CALD1: variants seen among roughly 807,000 people sequenced by gnomAD.
CALD1 encodes caldesmon 1.
CALD1 carries 33 observed loss-of-function variants against 99.9 expected under a neutral mutation model. The ratio of observed to expected loss-of-function variants is 0.33; its 90% CI spans 0.25 to 0.44. The LOEUF is 0.44. CALD1 is among the 20% of genes least tolerant of loss of function. The pLI is 1.00. For synonymous variants in CALD1, 310 were observed against 325.0 expected, an observed-to-expected ratio of 0.95 and a Z score of 0.50; for missense variants, 861 against 962.1, an observed-to-expected ratio of 0.89 and a Z score of 1.39.
At chr7:134,886,620 C>T (rs1186152762) in intron 3 of CALD1, among the ~76,000 whole-genome samples, 1 of 152,298 alleles carries the variant, frequency 6.6e-6, no homozygotes, top group East Asian at 1.9e-4. Context: ...GGAAAATAGG[C>T]ATTGGCGTCT....
Position 134,783,418 on chromosome 7 carries a change from C to T in CALD1, c.-130+3669C>T, listed in dbSNP as rs1440285995. 1.3e-5 allele frequency among the ~76,000 whole-genome samples: 2 copies of T among 152,196 alleles called. No individual in the cohort carries two copies. Among genetic ancestry groups the T allele is most frequent in the African/African-American group, 4.8e-5 (2 of 41,454 alleles). On this transcript the variant is annotated intron_variant, in intron 1 of 14. Transcript: ENST00000361675. This position sits in a 1 kb window ranked among gnomAD's most constrained non-coding sequence, Gnocchi z 4.3. Reference sequence around the variant, plus strand: ...GAGGCCCAGAGTACAGCAGAACACTCTAGCACAGATAGGTTCTAGCTAGGG... The same window carrying T: ...GAGGCCCAGAGTACAGCAGAACACTTTAGCACAGATAGGTTCTAGCTAGGG...
intron 2 of CALD1, among the ~76,000 whole-genome samples, chr7:134,854,742 C>T (rs1233081631): frequency 2.0e-5 from 3 of 152,148 alleles, no homozygotes; most frequent in Non-Finnish European, 4.4e-5. Flanking sequence ...TGGGATAAAT[C>T]TGTGACTTTA....
In CALD1 at chr7:134,773,133, T is replaced by C. The variant is rs1796889415; in HGVS notation, c.-130+28770T>C. Among the ~76,000 whole-genome samples, 6 of 152,322 alleles carry C rather than the reference T, an allele frequency of 3.9e-5. No individual in the cohort carries two copies. The South Asian group carries it at 1.0e-3, about 26-fold the overall frequency. On this transcript the variant is annotated intron_variant, in intron 1 of 13. Coordinates refer to the CALD1 transcript ENST00000417172. Reference sequence around the variant, plus strand: ...GTTTTCAAAAGTCTTCTTTTATTATTTCCTTTGATAATTTTCTTCTTACTA... The same window carrying C: ...GTTTTCAAAAGTCTTCTTTTATTATCTCCTTTGATAATTTTCTTCTTACTA...
intron 3 of CALD1, among the ~76,000 whole-genome samples, chr7:134,891,891 T>C (rs1369659339): frequency 6.6e-6 from 1 of 152,034 alleles, no homozygotes; most frequent in Non-Finnish European, 1.5e-5. Context: ...TTCGCTGGCT[T>C]TTCTCGTTTC....
intron 1 of CALD1, among the ~76,000 whole-genome samples, chr7:134,752,534 G>A (rs7811910): frequency 0.041 from 6,297 of 152,126 alleles, 429 homozygotes; most frequent in African/African-American, 0.14. Context: ...TTATGAGTGG[G>A]GAATTTCATA....
chr7:134,782,959 G>A (rs769899978), intron 1 of CALD1, among the ~76,000 whole-genome samples: 1 of 152,182 alleles, frequency 6.6e-6, no homozygotes, highest in Non-Finnish European at 1.5e-5. Flanking sequence ...CAAATATAAG[G>A]AAGTGGAATA....
intron 6 of CALD1, among the ~76,000 whole-genome samples, chr7:134,939,247 C>T (rs112753048): frequency 6.1e-4 from 93 of 152,304 alleles, no homozygotes; most frequent in Non-Finnish European, 1.2e-3. Context: ...TGAGCTTGCT[C>T]CTTTTTTCTG....
At chr7:134,775,478 G>A (rs182424527), upstream of CALD1, among the ~76,000 whole-genome samples, 1 of 152,320 alleles carries the variant, frequency 6.6e-6, no homozygotes, top group Non-Finnish European at 1.5e-5. Context: ...TTGGGAGGCC[G>A]AGGCGGGTGG....
rs77378159 is a variant in CALD1, at chr7:134,801,454, T to G, written c.-130+21705T>G. Among the ~76,000 whole-genome samples, 122 of 152,324 alleles carry G rather than the reference T, an allele frequency of 8.0e-4. 1 individual carries two copies. The highest frequency in any genetic ancestry group is 1.1e-3 in the Non-Finnish European group (73 of 68,018). ...AAATTCCTATTTGCTGAACTTATTCTTTAGTAGTTCCTTTAGAGAGTGACT... is the reference window on the plus strand; with the variant it reads ...AAATTCCTATTTGCTGAACTTATTCGTTAGTAGTTCCTTTAGAGAGTGACT... On this transcript the variant is annotated intron_variant, in intron 1 of 14. Coordinates refer to ENST00000361675, the MANE Select transcript of CALD1 (RefSeq NM_033138.4).
At chr7:134,746,128 A>G (rs1796632794) in intron 1 of CALD1, among the ~76,000 whole-genome samples, 1 of 152,178 alleles carries the variant, frequency 6.6e-6, no homozygotes, top group Non-Finnish European at 1.5e-5. Context: ...TCTGGTCTGA[A>G]TGTTTGTGTC....
At chr7:134,742,166 T>A (rs1796597674), upstream of CALD1, among the ~76,000 whole-genome samples, 1 of 152,018 alleles carries the variant, frequency 6.6e-6, no homozygotes, top group Non-Finnish European at 1.5e-5. Context: ...GTCTGTGCAC[T>A]GGAAAGGGCT....
At chr7:134,945,673 TGTAA>T (rs1459047269) in intron 7 of CALD1, among the ~76,000 whole-genome samples, 1 of 152,184 alleles carries the variant, frequency 6.6e-6, no homozygotes, top group Non-Finnish European at 1.5e-5. Flanking sequence ...AAGAATGACA[TGTAA>T]GTAATAACCT....
At chr7:134,757,827 A>C (rs1796742525) in intron 1 of CALD1, among the ~76,000 whole-genome samples, 1 of 152,020 alleles carries the variant, frequency 6.6e-6, no homozygotes, top group South Asian at 2.1e-4. Flanking sequence ...TGCAGTGAGC[A>C]GAGATCACAC....
intron 7 of CALD1, among the ~76,000 whole-genome samples, chr7:134,943,912 C>T (rs745520525): frequency 6.6e-6 from 1 of 152,152 alleles, no homozygotes. Flanking sequence ...TTAGATTCTA[C>T]TGGATGGATG....
At chr7:134,963,357 C>A (rs1050927604) in intron 13 of CALD1, among the ~76,000 whole-genome samples, 6 of 152,140 alleles carry the variant, frequency 3.9e-5, no homozygotes, top group Non-Finnish European at 7.4e-5. Flanking sequence ...CAGAGGAAAT[C>A]CAGAAACTCA....
At chr7:134,790,318 G>A (rs754760642) in intron 1 of CALD1, among the ~76,000 whole-genome samples, 11 of 152,138 alleles carry the variant, frequency 7.2e-5, no homozygotes, top group Non-Finnish European at 1.3e-4. Flanking sequence ...CTATGTGACA[G>A]GCACTGTTCT....
intron 1 of CALD1, among the ~76,000 whole-genome samples, chr7:134,788,707 TA>T (rs1351037937): frequency 1.3e-5 from 2 of 152,088 alleles, no homozygotes; most frequent in Admixed American, 1.3e-4. Flanking sequence ...ATAAATGAGT[TA>T]AATGAGTGAA....
chr7:134,777,623 T>C (rs1240657447), upstream of CALD1, among the ~76,000 whole-genome samples: 2 of 152,206 alleles, frequency 1.3e-5, no homozygotes, highest in Non-Finnish European at 2.9e-5. Context: ...TGGTTTAGGA[T>C]ATAAGCAGCA....
At chr7:134,883,422 C>CGGAA (rs1801700034) in intron 3 of CALD1, among the ~76,000 whole-genome samples, 7 of 152,052 alleles carry the variant, frequency 4.6e-5, no homozygotes, top group Admixed American at 3.9e-4. Flanking sequence ...CATTAAAAAG[C>CGGAA]TTTCCAGATG....
Sources: gnomAD v4.1 joint callset for allele counts (sites outside exome capture counted in the v4.1 genomes callset) on GRCh38, gnomAD v4.1.1 for gene constraint, Gnocchi (gnomAD v3.1) non-coding constraint, MANE v1.5 for transcripts, NCBI Gene and HGNC (gene_info 2026-07-23, HGNC 2026-07-21) for gene names.